Variants in PRKN observed in about 807,000 individuals in gnomAD.
PRKN encodes parkin RBR E3 ubiquitin protein ligase.
In PRKN, 56 loss-of-function variants were observed where a neutral mutation model predicts 59.5. The observed-to-expected ratio is 0.94, with a 90% CI of 0.76 to 1.18. The LOEUF is 1.18. Ranked by LOEUF, PRKN falls within the 50% of genes most tolerant of loss-of-function variation. The pLI is 0.00. For synonymous variants in PRKN, 250 were observed against 222.1 expected (o/e 1.13, Z -1.12); for missense variants, 657 against 596.4 (o/e 1.10, Z -1.06).
intron 5 of PRKN, among the ~76,000 whole-genome samples, chr6:162,018,228 G>A (rs1482101574): frequency 2.0e-5 from 3 of 152,140 alleles, no homozygotes; most frequent in East Asian, 1.9e-4. Flanking sequence ...GGGTTTCATC[G>A]TGTTAGCCAG....
At position 161,395,805 on chromosome 6, in the gene PRKN, T is replaced by C. The variant is rs1229639410; in HGVS notation, c.1084-8928A>G. ...AGGAGTGGCCTGTGGTCAGGCTCACTCTGACTTTCCTCAGCTCAACACACA... is the reference window on the plus strand; with the variant it reads ...AGGAGTGGCCTGTGGTCAGGCTCACCCTGACTTTCCTCAGCTCAACACACA... On this transcript the variant is annotated intron_variant, in intron 9 of 11. Coordinates refer to ENST00000366898, the MANE Select transcript of PRKN (RefSeq NM_004562.3). The surrounding 1 kb of genome is among the most constrained non-coding windows in gnomAD (Gnocchi z 5.0). 1.3e-5 allele frequency among the ~76,000 whole-genome samples: 2 copies of C among 152,188 alleles called. No homozygotes were observed. Among genetic ancestry groups the C allele is most frequent in the Non-Finnish European group, 2.9e-5 (2 of 68,040 alleles).
At chr6:161,954,493 T>C (rs549715546) in intron 6 of PRKN, among the ~76,000 whole-genome samples, 19 of 152,292 alleles carry the variant, frequency 1.2e-4, no homozygotes, top group Admixed American at 2.6e-4. Flanking sequence ...CAACTTAAAA[T>C]TACCAAATAG....
chr6:162,256,319 G>A (rs1779638207), intron 3 of PRKN, among the ~76,000 whole-genome samples: 1 of 152,004 alleles, frequency 6.6e-6, no homozygotes, highest in African/African-American at 2.4e-5. Context: ...GAAATGTTTG[G>A]AAGCTACAGG....
intron 4 of PRKN, among the ~76,000 whole-genome samples, chr6:162,059,612 T>C (rs1778011494): frequency 6.6e-6 from 1 of 152,236 alleles, no homozygotes; most frequent in Non-Finnish European, 1.5e-5. Context: ...AAGGGAGCTA[T>C]GGATGATAAT....
At chr6:162,516,409 C>T (rs1777858760) in intron 1 of PRKN, among the ~76,000 whole-genome samples, 1 of 152,152 alleles carries the variant, frequency 6.6e-6, no homozygotes, top group Admixed American at 6.6e-5. Context: ...TCTCTTACAT[C>T]AGACTTAGCT....
intron 7 of PRKN, among the ~76,000 whole-genome samples, chr6:161,643,702 C>G (rs1783823365): frequency 6.6e-6 from 1 of 152,178 alleles, no homozygotes; most frequent in African/African-American, 2.4e-5. Context: ...ACATCAGTGT[C>G]ATCTCAAAAA....
intron 7 of PRKN, among the ~76,000 whole-genome samples, chr6:161,626,731 C>T (rs1036059276): frequency 6.6e-6 from 1 of 152,172 alleles, no homozygotes; most frequent in Non-Finnish European, 1.5e-5. Context: ...GTTAGGGAAC[C>T]GGGCCGCTTA....
intron 7 of PRKN, among the ~76,000 whole-genome samples, chr6:161,619,981 CTTTTTTTTTTTTTT>C (rs71004058): frequency 4.8e-5 from 3 of 63,122 alleles, no homozygotes; most frequent in South Asian, 6.7e-4. Context: ...ACACATTATT[CTTTTTTTTTTTTTT>C]TTTTTTTTTT....
At chr6:161,636,102 G>A (rs1783506522) in intron 7 of PRKN, among the ~76,000 whole-genome samples, 1 of 152,182 alleles carries the variant, frequency 6.6e-6, no homozygotes, top group Non-Finnish European at 1.5e-5. Context: ...GCAGGCCGTT[G>A]TGCTGAGGGC....
At chr6:162,633,270 CTA>C (rs1777583592) in intron 1 of PRKN, among the ~76,000 whole-genome samples, 1 of 151,474 alleles carries the variant, frequency 6.6e-6, no homozygotes, top group South Asian at 2.1e-4. Flanking sequence ...CCCATCTCTA[CTA>C]AAAATACAAA....
intron 1 of PRKN, among the ~76,000 whole-genome samples, chr6:162,502,593 C>A (rs1436846879): frequency 6.8e-6 from 1 of 146,776 alleles, no homozygotes; most frequent in Admixed American, 6.7e-5. Context: ...TGAATAATTA[C>A]AATTCATTAT....
rs149666112 is a variant in PRKN, at chr6:161,433,698, C to T, written c.1084-46821G>A. Reference sequence around the variant, plus strand: ...TCTATTTCTGTCATTTAAAAGATTGCTGTCTCTCTTCTTTTATAAAATATT... The same window carrying T: ...TCTATTTCTGTCATTTAAAAGATTGTTGTCTCTCTTCTTTTATAAAATATT... On this transcript the variant is annotated intron_variant, in intron 9 of 11. Coordinates refer to ENST00000366898, the MANE Select transcript of PRKN (RefSeq NM_004562.3). Among the ~76,000 whole-genome samples, 324 of 152,128 alleles carry T rather than the reference C, an allele frequency of 2.1e-3. 1 individual carries two copies. The highest frequency in any genetic ancestry group is 7.5e-3 in the African/African-American group (310 of 41,488).
At chr6:162,494,484 G>A (rs143064729) in intron 1 of PRKN, among the ~76,000 whole-genome samples, 204 of 152,310 alleles carry the variant, frequency 1.3e-3, no homozygotes, top group African/African-American at 4.7e-3. Context: ...AGCCTGCCAT[G>A]TGGACTTCAA....
chr6:162,416,850 A>G (rs1456015239), intron 2 of PRKN, among the ~76,000 whole-genome samples: 1 of 152,210 alleles, frequency 6.6e-6, no homozygotes, highest in Non-Finnish European at 1.5e-5. Context: ...CACAGAAAAT[A>G]TACTAAAATG....
chr6:162,516,056 G>A (rs759790759), intron 1 of PRKN, among the ~76,000 whole-genome samples: 21 of 152,310 alleles, frequency 1.4e-4, no homozygotes, highest in African/African-American at 3.1e-4. Flanking sequence ...CTAATGCAGC[G>A]ATTGCTGTGC....
chr6:161,403,837 G>C (rs1011339471), intron 9 of PRKN, among the ~76,000 whole-genome samples: 1 of 152,146 alleles, frequency 6.6e-6, no homozygotes, highest in Admixed American at 6.5e-5. Flanking sequence ...GTTACTGTGG[G>C]AGGAGCTTTG....
intron 7 of PRKN, among the ~76,000 whole-genome samples, chr6:161,697,374 G>A (rs545820910): frequency 6.6e-6 from 1 of 152,268 alleles, no homozygotes; most frequent in South Asian, 2.1e-4. Context: ...CTACAAAGAT[G>A]AAGGCATCTC....
chr6:161,890,400 G>A (rs1795299094), intron 6 of PRKN, among the ~76,000 whole-genome samples: 1 of 152,134 alleles, frequency 6.6e-6, no homozygotes, highest in Admixed American at 6.5e-5. Context: ...CTCAGTAAAT[G>A]ACACAGAGCT....
At chr6:162,659,993 G>T (rs1363360748) in intron 1 of PRKN, among the ~76,000 whole-genome samples, 5 of 151,956 alleles carry the variant, frequency 3.3e-5, no homozygotes, top group African/African-American at 1.2e-4. Flanking sequence ...CTTATGCCAG[G>T]CATACAAAAT....
Sources: gnomAD v4.1 joint callset for allele counts (sites outside exome capture counted in the v4.1 genomes callset) on GRCh38, gnomAD v4.1.1 for gene constraint, Gnocchi (gnomAD v3.1) non-coding constraint, MANE v1.5 for transcripts, NCBI Gene and HGNC (gene_info 2026-07-23, HGNC 2026-07-21) for gene names.